ASAP2: variants seen among roughly 807,000 people sequenced by gnomAD.
ASAP2 encodes arf-GAP with SH3 domain, ANK repeat and PH domain-containing protein 2.
ASAP2 carries 45 observed loss-of-function variants against 131.4 expected under a neutral mutation model. That is an observed-to-expected ratio of 0.34 (90% CI 0.27 to 0.44). The LOEUF (loss-of-function observed/expected upper bound fraction) is 0.44, where lower values mean the gene tolerates loss of function less well. Ranked by LOEUF, ASAP2 falls within the 20% of genes least tolerant of loss-of-function variation. The pLI is 1.00. For synonymous variants in ASAP2, 510 were observed against 503.0 expected (o/e 1.01, Z -0.19); for missense variants, 1,011 against 1,297.0 (o/e 0.78, Z 3.39).
intron 1 of ASAP2, among the ~76,000 whole-genome samples, chr2:9,272,917 T>C (rs572976077): frequency 2.2e-4 from 33 of 152,204 alleles, no homozygotes; most frequent in Non-Finnish European, 4.0e-4. Flanking sequence ...GTGTCTGTTT[T>C]TATGCCAGTA....
chr2:9,208,538 G>A (rs34254156), intron 1 of ASAP2, among the ~76,000 whole-genome samples: 38,279 of 151,430 alleles, frequency 0.25, 5,158 homozygotes, highest in Non-Finnish European at 0.29. Flanking sequence ...ATAAAAGGGA[G>A]TCAAAAGTAA....
intron 7 of ASAP2, among the ~76,000 whole-genome samples, chr2:9,329,350 G>A (rs1175694743): frequency 6.6e-6 from 1 of 152,212 alleles, no homozygotes; most frequent in African/African-American, 2.4e-5. Context: ...ATGCACTCCT[G>A]TGATCTGCCA....
At chr2:9,358,618 CAA>C in intron 14 of ASAP2, 136 bp from the exon 15 acceptor site, 1 of 1,107,726 alleles carries the variant, frequency 9.0e-7, no homozygotes, top group Non-Finnish European at 1.3e-6. Flanking sequence ...TAATTATGGA[CAA>C]AGTTTCCAGC....
At chr2:9,230,475 G>C (rs1663079865) in intron 1 of ASAP2, among the ~76,000 whole-genome samples, 1 of 152,236 alleles carries the variant, frequency 6.6e-6, no homozygotes, top group Non-Finnish European at 1.5e-5. Flanking sequence ...CAAAAACTGT[G>C]CTGAGACTGA....
Position 9,404,656 on chromosome 2 carries a change from G to T in ASAP2, c.*1329G>T, listed in dbSNP as rs1479361466. ...TTTGCATATAGGCTTGGAAAGTGAGGCAGCAATGCTGTTAACTGCATTTGT... is the reference window on the plus strand; with the variant it reads ...TTTGCATATAGGCTTGGAAAGTGAGTCAGCAATGCTGTTAACTGCATTTGT... On this transcript the variant is annotated 3_prime_UTR_variant, in exon 28 of 28. Transcript: ENST00000281419. 1 of 152,290 alleles carries T rather than the reference G, an allele frequency of 6.6e-6. No individual in the cohort carries two copies. The highest frequency in any genetic ancestry group is 1.5e-5 in the Non-Finnish European group (1 of 68,014). 9.4% of individuals were successfully genotyped at this position (152,290 alleles called of 1,614,324 possible). A position where few individuals can be genotyped will look rare whatever the true frequency, so the allele number is the denominator to read the frequency against.
At chr2:9,377,644 A>G (rs957777635) in intron 18 of ASAP2, among the ~76,000 whole-genome samples, 4 of 152,278 alleles carry the variant, frequency 2.6e-5, no homozygotes, top group Middle Eastern at 3.4e-3. Flanking sequence ...GGTTTGAGCC[A>G]TGTGTGTACT....
chr2:9,241,475 A>C (rs907857461), intron 1 of ASAP2, among the ~76,000 whole-genome samples: 17 of 152,174 alleles, frequency 1.1e-4, no homozygotes, highest in African/African-American at 4.1e-4. Context: ...GTGGTGGCTC[A>C]TGCCTATAAT....
At chr2:9,231,147 G>A (rs572678070) in intron 1 of ASAP2, among the ~76,000 whole-genome samples, 10 of 152,354 alleles carry the variant, frequency 6.6e-5, no homozygotes, top group African/African-American at 2.2e-4. Context: ...AGGATGGATG[G>A]GGGAAAGGCA....
intron 1 of ASAP2, among the ~76,000 whole-genome samples, chr2:9,255,591 G>T (rs1665098503): frequency 1.3e-5 from 2 of 152,246 alleles, no homozygotes; most frequent in Admixed American, 1.3e-4. Context: ...GGATTCGGCA[G>T]ATGGTGTCGT....
At chr2:9,242,696 G>A (rs1664060271) in intron 1 of ASAP2, among the ~76,000 whole-genome samples, 1 of 152,196 alleles carries the variant, frequency 6.6e-6, no homozygotes, top group Admixed American at 6.5e-5. Flanking sequence ...ATCCTCAGCT[G>A]ATCATCATTT....
At chr2:9,315,667 A>G (rs901657788) in intron 3 of ASAP2, among the ~76,000 whole-genome samples, 14 of 152,114 alleles carry the variant, frequency 9.2e-5, no homozygotes, top group Non-Finnish European at 1.9e-4. Flanking sequence ...AGGACTGTCA[A>G]TGACAGTGGA....
intron 12 of ASAP2, among the ~76,000 whole-genome samples, chr2:9,354,594 C>A (rs1036780952): frequency 6.7e-6 from 1 of 149,380 alleles, no homozygotes; most frequent in African/African-American, 2.5e-5. Context: ...CTGTGCACTG[C>A]ACGTTTGCAC....
intron 3 of ASAP2, among the ~76,000 whole-genome samples, chr2:9,309,481 G>A (rs553075943): frequency 6.6e-6 from 1 of 152,334 alleles, no homozygotes; most frequent in East Asian, 1.9e-4. Context: ...CAGAGACTTG[G>A]GGGTAAGGAG....
chr2:9,255,224 C>T (rs1252593776), intron 1 of ASAP2, among the ~76,000 whole-genome samples: 1 of 152,118 alleles, frequency 6.6e-6, no homozygotes, highest in Non-Finnish European at 1.5e-5. Context: ...ATACTTGTAC[C>T]ATGTAAGTTG....
At chr2:9,367,547 G>A (rs914560878) in intron 15 of ASAP2, among the ~76,000 whole-genome samples, 2 of 151,926 alleles carry the variant, frequency 1.3e-5, no homozygotes, top group African/African-American at 4.8e-5. Flanking sequence ...GATTGCATGA[G>A]CCCAGGAGTT....
chr2:9,242,864 A>G (rs984987348), intron 1 of ASAP2, among the ~76,000 whole-genome samples: 19 of 152,164 alleles, frequency 1.2e-4, no homozygotes, highest in Admixed American at 2.6e-4. Flanking sequence ...TGTTCAGACC[A>G]TTGGGTGTAA....
chr2:9,367,271 G>A (rs976547500), intron 15 of ASAP2, among the ~76,000 whole-genome samples: 12 of 151,562 alleles, frequency 7.9e-5, no homozygotes, highest in South Asian at 2.1e-4. Context: ...GAGCTCAGCC[G>A]ATCCACCCGC....
At chr2:9,243,967 A>C (rs556578056) in intron 1 of ASAP2, among the ~76,000 whole-genome samples, 30 of 152,314 alleles carry the variant, frequency 2.0e-4, no homozygotes, top group African/African-American at 7.0e-4. Flanking sequence ...TTTGGGAATT[A>C]GTGGGAACAT....
At chr2:9,285,191 A>G (rs1667388841) in intron 2 of ASAP2, among the ~76,000 whole-genome samples, 2 of 152,208 alleles carry the variant, frequency 1.3e-5, no homozygotes, top group South Asian at 4.1e-4. Flanking sequence ...AGCAGTGGTT[A>G]TAAACTGGAG....
Sources: gnomAD v4.1 joint callset for allele counts (sites outside exome capture counted in the v4.1 genomes callset) on GRCh38, gnomAD v4.1.1 for gene constraint, MANE v1.5 for transcripts, NCBI Gene and HGNC (gene_info 2026-07-23, HGNC 2026-07-21) for gene names.